PRAMEF1: variants seen among roughly 807,000 people sequenced by gnomAD.
PRAMEF1 encodes PRAME family member 1.
PRAMEF1 carries 21 observed loss-of-function variants against 38.2 expected under a neutral mutation model. The observed-to-expected ratio is 0.55, with a 90% CI of 0.39 to 0.79. The LOEUF is 0.79. Ranked by LOEUF, PRAMEF1 falls within the 30% of genes least tolerant of loss-of-function variation. The pLI, the probability that PRAMEF1 is intolerant of heterozygous loss-of-function variation, is 0.00. For synonymous variants in PRAMEF1, 200 were observed against 229.0 expected (o/e 0.87, Z 1.14); for missense variants, 497 against 565.8 (o/e 0.88, Z 1.23).
rs948550142 is a variant in PRAMEF1, at chr1:12,796,310, A to C, written c.*314A>C. Reference sequence around the variant, plus strand: ...GGCAAGTGTTCAGTGTGAGGGAAAAAACATAACAGCAGGGGGCAAGGTTGG... The same window carrying C: ...GGCAAGTGTTCAGTGTGAGGGAAAACACATAACAGCAGGGGGCAAGGTTGG... On this transcript the variant is annotated 3_prime_UTR_variant, in exon 4 of 4. Coordinates refer to ENST00000332296, the MANE Select transcript of PRAMEF1 (RefSeq NM_023013.4). 1.2e-5 allele frequency: 5 copies of C among 433,172 alleles called. No individual in the cohort carries two copies. Among genetic ancestry groups the C allele is most frequent in the African/African-American group, 1.0e-4 (5 of 49,654 alleles). 26.8% of individuals were successfully genotyped at this position (433,172 alleles called of 1,614,324 possible).
chr1:12,795,844 G>A lies in PRAMEF1; in HGVS notation c.1273G>A (p.Val425Ile). The A allele has an allele frequency of 6.2e-7, 1 of 1,610,838 alleles. No homozygotes were observed. Among genetic ancestry groups the A allele is most frequent in the South Asian group, 1.1e-5 (1 of 90,908 alleles). The change falls in exon 4 of 4, where the codon GTC (valine) becomes ATC (isoleucine). Residue 425 changes from valine to isoleucine, a missense_variant. Coordinates refer to ENST00000332296, the MANE Select transcript of PRAMEF1 (RefSeq NM_023013.4). Reference sequence around the variant, plus strand: ...GGAGAGTTTGAATTCCTTGGTTCGTGTCAATTGGGAGATCTTCACCCCACT... The same window carrying A: ...GGAGAGTTTGAATTCCTTGGTTCGTATCAATTGGGAGATCTTCACCCCACT... ...PEESLNSLVR[V>I]NWEIFTPLRA...
At position 12,793,458 on chromosome 1, in the gene PRAMEF1, C is replaced by A. The variant is rs1369027246; in HGVS notation, c.231C>A (p.Thr77=). 1.9e-6 allele frequency: 3 copies of A among 1,609,038 alleles called. 1 individual carries two copies. Among genetic ancestry groups the A allele is most frequent in the Non-Finnish European group, 8.5e-7 (1 of 1,177,340 alleles). ...GSLMKTLHLE[T]LKALLEGLHM... ...TGATGAAGACGCTTCATTTGGAGAC[C>A]TTAAAAGCATTGCTGGAAGGGCTTC... Residue 77 remains threonine (T), a synonymous_variant, in exon 2 of 4, where the codon ACC becomes ACA. Coordinates refer to ENST00000332296, the MANE Select transcript of PRAMEF1 (RefSeq NM_023013.4).
rs1639327904 is a variant in PRAMEF1 at position 12,793,333 on chromosome 1, T to C, written c.106T>C (p.Tyr36His). 6.2e-7 allele frequency: 1 copy of C among 1,609,310 alleles called. No individual in the cohort carries two copies. Residue 36 changes from tyrosine (Y) to histidine (H), a missense_variant, in exon 2 of 4, where the codon TAT becomes CAT. Physicochemically the swap from Tyr to His is moderately conservative, Grantham distance 83. This residue lies in a region of PRAMEF1 where 470 missense variants were observed against 501.9 expected (regional missense o/e 0.94). Coordinates refer to ENST00000332296, the MANE Select transcript of PRAMEF1 (RefSeq NM_023013.4). ...CATGGAGGAGCTGCCCAGGGTGCTCTATCTCCCACTCTTCATGGAGGCCTT... is the reference window on the plus strand; with the variant it reads ...CATGGAGGAGCTGCCCAGGGTGCTCCATCTCCCACTCTTCATGGAGGCCTT... Reference protein sequence around the residue: ...SAMEELPRVLYLPLFMEAFSR... With the variant: ...SAMEELPRVLHLPLFMEAFSR...
chr1:12,792,411 G>A (rs1273041348), intron 1 of PRAMEF1, among the ~76,000 whole-genome samples: 1 of 151,054 alleles, frequency 6.6e-6, no homozygotes, highest in Admixed American at 6.6e-5. Flanking sequence ...TTTTTTCTGT[G>A]ATGTACTCTG....
chr1:12,793,984 C>T lies in PRAMEF1; in HGVS notation c.357C>T (p.Ala119=), dbSNP rs1463445462. 3.1e-6 allele frequency: 5 copies of T among 1,608,506 alleles called. No individual in the cohort carries two copies. The highest frequency in any genetic ancestry group is 4.2e-6 in the Non-Finnish European group (5 of 1,178,022). The change falls in exon 3 of 4, where the codon GCC becomes GCT. Residue 119 remains alanine (A), a synonymous_variant. Coordinates refer to ENST00000332296, the MANE Select transcript of PRAMEF1 (RefSeq NM_023013.4). ...ATTTCTGGGCCAGATGGCCTGGAGC[C>T]TGGGCCCTGTCCTGCTTCCCAGAGA... The part of the protein sequence containing the change: ...DENFWARWPG[A]WALSCFPETT...
In PRAMEF1 at chr1:12,793,788, T is replaced by C. The variant is rs1340822438; in HGVS notation, c.288-127T>C. The C allele has an allele frequency of 2.1e-6, 3 of 1,421,534 alleles. No homozygotes were observed. The African/African-American group carries it at 4.3e-5, about 20-fold the overall frequency. 88.1% of individuals were successfully genotyped at this position (1,421,534 alleles called of 1,614,324 possible). On this transcript the variant is annotated intron_variant, in intron 2 of 3. Coordinates refer to ENST00000332296, the MANE Select transcript of PRAMEF1 (RefSeq NM_023013.4). ...AGTCAGAATCAAAAGGGAACAGGGA[T>C]TGAGAAAAGACAAAGAGAACAGGGA...
Position 12,795,989 on chromosome 1 carries a change from G to A in PRAMEF1, c.1418G>A (p.Cys473Tyr). 6.2e-7 allele frequency: 1 copy of A among 1,608,566 alleles called. No homozygotes were observed. The highest frequency in any genetic ancestry group is 1.7e-5 in the Admixed American group (1 of 59,414). Residue 473 changes from cysteine (C) to tyrosine (Y), a missense_variant, in exon 4 of 4, where the codon TGC becomes TAC. Transcript: ENST00000332296. ...TCTGAGGAACTGGAGCTCCATCTTT[G>A]CTGCTAGGGAAGGCGTGCCCAGTGG... ...SPSEELELHLCC is the reference protein window; with the variant it reads ...SPSEELELHLYC
chr1:12,793,849 C>T (rs1737155), intron 2 of PRAMEF1, 66 bp from the exon 3 acceptor site: 4 of 1,254,084 alleles, frequency 3.2e-6, no homozygotes, highest in Non-Finnish European at 4.5e-6. Flanking sequence ...TATGGGATGA[C>T]AATGAAAGCA....
rs766058995 is a variant in PRAMEF1 at position 12,793,562 on chromosome 1, A to G, written c.287+48A>G. On this transcript the variant is annotated intron_variant, in intron 2 of 3. Coordinates refer to ENST00000332296, the MANE Select transcript of PRAMEF1 (RefSeq NM_023013.4). ...GTAGATAGGGCTCAGGTGTCCAGGG[A>G]AAGAACAGCAGGGTCAGGCAGAGAA... is the stretch of plus-strand genomic sequence containing the variant. The G allele has an allele frequency of 8.3e-6, 13 of 1,560,932 alleles. 1 individual carries two copies. The highest frequency in any genetic ancestry group is 1.1e-5 in the Non-Finnish European group (13 of 1,138,216).
At chr1:12,795,255 G>A (rs1397391565) in intron 3 of PRAMEF1, among the ~76,000 whole-genome samples, 183 bp from the exon 4 acceptor site, 1 of 151,776 alleles carries the variant, frequency 6.6e-6, no homozygotes, top group East Asian at 1.9e-4. Flanking sequence ...TGAAAGGGCT[G>A]AGGCTAAAAT....
At position 12,793,568 on chromosome 1, in the gene PRAMEF1, C is replaced by G. The variant is rs533051442; in HGVS notation, c.287+54C>G. The G allele has an allele frequency of 2.9e-4, 452 of 1,544,086 alleles. 11 individuals are homozygous for G. In the African/African-American group the frequency reaches 5.0e-3, roughly 17 times the overall value. ...AGGGCTCAGGTGTCCAGGGAAAGAA[C>G]AGCAGGGTCAGGCAGAGAAGTAGCC... On this transcript the variant is annotated intron_variant, in intron 2 of 3. Coordinates refer to ENST00000332296, the MANE Select transcript of PRAMEF1 (RefSeq NM_023013.4).
rs1337834535 is a variant in PRAMEF1 at position 12,793,963 on chromosome 1, C to G, written c.336C>G (p.Phe112Leu). ...ATTTGCGGGATGTTGACGAGAATTT[C>G]TGGGCCAGATGGCCTGGAGCCTGGG... ...VLDLRDVDENFWARWPGAWAL... is the reference protein window; with the variant it reads ...VLDLRDVDENLWARWPGAWAL... The change falls in exon 3 of 4, where the codon TTC becomes TTG. Residue 112 changes from phenylalanine (F) to leucine (L), a missense_variant. By Grantham distance (22) the Phe-to-Leu change is conservative (BLOSUM62 0). Around this residue, in one of 2 missense-constraint regions of PRAMEF1, gnomAD observed 470 missense variants for 501.9 expected, o/e 0.94. Coordinates refer to ENST00000332296, the MANE Select transcript of PRAMEF1 (RefSeq NM_023013.4). The G allele has an allele frequency of 6.2e-7, 1 of 1,609,200 alleles. No individual in the cohort carries two copies. The highest frequency in any genetic ancestry group is 1.3e-5 in the African/African-American group (1 of 74,752).
intron 3 of PRAMEF1, 41 bp from the exon 4 acceptor site, chr1:12,795,397 A>T: frequency 6.2e-7 from 1 of 1,607,166 alleles, no homozygotes; most frequent in Non-Finnish European, 8.5e-7. Context: ...CCTTCATCTA[A>T]CTGGTATCAC....
intron 3 of PRAMEF1, 96 bp from the exon 4 acceptor site, chr1:12,795,342 A>G: frequency 8.5e-7 from 1 of 1,179,724 alleles, no homozygotes; most frequent in East Asian, 2.4e-5. Context: ...GTGGGAACAA[A>G]CTTGTGTTTG....
chr1:12,792,748 C>T (rs960328109), intron 1 of PRAMEF1, among the ~76,000 whole-genome samples: 4 of 151,058 alleles, frequency 2.6e-5, no homozygotes, highest in Admixed American at 6.6e-5. Context: ...TCTCAAATTA[C>T]GGACCTCAAG....
rs1063766 is a variant in PRAMEF1, at chr1:12,794,200, G to T, written c.573G>T (p.Pro191=). The T allele has an allele frequency of 1.2e-6, 2 of 1,601,596 alleles. No homozygotes were observed. The highest frequency in any genetic ancestry group is 1.7e-6 in the Non-Finnish European group (2 of 1,172,516). ...GTAAGCTGGTCAATTATCTAACGCC[G>T]ATTAAATATCTCAGAAAGTCATTGA... The part of the protein sequence containing the change: ...CCSKLVNYLT[P]IKYLRKSLKI... Residue 191 remains proline, a synonymous_variant, in exon 3 of 4, where the codon CCG becomes CCT. Coordinates refer to ENST00000332296, the MANE Select transcript of PRAMEF1 (RefSeq NM_023013.4).
intron 1 of PRAMEF1, among the ~76,000 whole-genome samples, chr1:12,792,591 G>A (rs1639312266): frequency 6.6e-6 from 1 of 150,956 alleles, no homozygotes; most frequent in African/African-American, 2.4e-5. Context: ...ATTTGTTTTT[G>A]TTTGAGTCAG....
intron 1 of PRAMEF1, among the ~76,000 whole-genome samples, chr1:12,792,075 T>C (rs983562629): frequency 6.6e-6 from 1 of 151,078 alleles, no homozygotes; most frequent in African/African-American, 2.4e-5. Flanking sequence ...CAGGCTGCAG[T>C]GCCATGGTGT....
At position 12,793,912 on chromosome 1, in the gene PRAMEF1, C is replaced by G; in HGVS notation, c.288-3C>G. The G allele has an allele frequency of 1.9e-6, 3 of 1,608,786 alleles. 1 individual carries two copies. Among genetic ancestry groups the G allele is most frequent in the Non-Finnish European group, 2.5e-6 (3 of 1,178,374 alleles). On this transcript the variant is annotated splice_polypyrimidine_tract_variant and splice_region_variant and intron_variant, in intron 2 of 3. Coordinates refer to ENST00000332296, the MANE Select transcript of PRAMEF1 (RefSeq NM_023013.4). ...CTGAGTCTCTCCCTTACTTTACCCA[C>G]AGGAGGTGGAAACTTCAAGTGCTGG... is the stretch of plus-strand genomic sequence containing the variant.
Sources: gnomAD v4.1 joint callset for allele counts (sites outside exome capture counted in the v4.1 genomes callset) on GRCh38, gnomAD v4.1.1 for gene constraint, gnomAD v4.1.1 regional missense constraint, MANE v1.5 for transcripts, NCBI Gene and HGNC (gene_info 2026-07-23, HGNC 2026-07-21) for gene names.